The following TTLL7 variants were observed in gnomAD, a reference collection of about 807,000 sequenced individuals.
TTLL7 encodes tubulin tyrosine ligase like 7.
A neutral mutation model predicts 120.2 loss-of-function variants in TTLL7; 53 were observed. That is an observed-to-expected ratio of 0.44 (90% confidence interval 0.35 to 0.55). The LOEUF (loss-of-function observed/expected upper bound fraction) is 0.55, where lower values mean the gene tolerates loss of function less well. Ranked by LOEUF, TTLL7 falls within the 20% of genes least tolerant of loss-of-function variation. The pLI, the probability that TTLL7 is intolerant of heterozygous loss-of-function variation, is 0.00. For synonymous variants in TTLL7, 353 were observed against 351.7 expected (o/e 1.00, Z -0.04); for missense variants, 803 against 1,054.7 (o/e 0.76, Z 3.31).
chr1:83,875,347 C>T (rs1653833571), intron 20 of TTLL7, among the ~76,000 whole-genome samples: 1 of 151,954 alleles, frequency 6.6e-6, no homozygotes, highest in Non-Finnish European at 1.5e-5. Context: ...ACTAACCCAT[C>T]TTGCTATATG....
chr1:83,918,665 T>A (rs1330942444), intron 13 of TTLL7, among the ~76,000 whole-genome samples: 1 of 152,112 alleles, frequency 6.6e-6, no homozygotes, highest in Non-Finnish European at 1.5e-5. Context: ...AGGAGAAATA[T>A]AACAGATAAT....
At chr1:83,871,770 G>A (rs1192115347) in intron 20 of TTLL7, among the ~76,000 whole-genome samples, 1 of 151,866 alleles carries the variant, frequency 6.6e-6, no homozygotes, top group Non-Finnish European at 1.5e-5. Flanking sequence ...GGTGGCGAGT[G>A]CCTGTAGTCC....
intron 6 of TTLL7, among the ~76,000 whole-genome samples, chr1:83,943,502 A>G (rs1648179433): frequency 6.6e-6 from 1 of 152,208 alleles, no homozygotes; most frequent in Non-Finnish European, 1.5e-5. Flanking sequence ...ACAGCCATCT[A>G]CAAAAATTGG....
intron 1 of TTLL7, among the ~76,000 whole-genome samples, chr1:83,962,299 A>T (rs573041858): frequency 6.6e-6 from 1 of 152,234 alleles, no homozygotes; most frequent in East Asian, 1.9e-4. Flanking sequence ...ATAGCCAAAC[A>T]TCTAAGAGAT....
Position 83,904,084 on chromosome 1 carries a change from G to T in TTLL7, c.2203C>A (p.Arg735=), listed in dbSNP as rs1157999559. 1.2e-6 allele frequency: 2 copies of T among 1,610,656 alleles called. No individual in the cohort carries two copies. Among genetic ancestry groups the T allele is most frequent in the Non-Finnish European group, 8.5e-7 (1 of 1,178,152 alleles). The part of the protein sequence containing the change: ...WLIKLDSVKQ[R]KVLDIVKTSI... ...TTGTTTTGAGCATTACTCACTTTTC[G>T]TTGTTTTACAGAGTCCAATTTTATG... is the stretch of plus-strand genomic sequence containing the variant. The change falls in exon 18 of 21, where the codon CGA becomes AGA. Residue 735 remains arginine (R), a synonymous_variant. Coordinates refer to ENST00000260505, the MANE Select transcript of TTLL7 (RefSeq NM_024686.6).
chr1:83,883,526 G>T (rs1458456023), intron 19 of TTLL7, among the ~76,000 whole-genome samples: 1 of 151,888 alleles, frequency 6.6e-6, no homozygotes, highest in East Asian at 1.9e-4. Context: ...AAGTAGCTGG[G>T]ACTACAGGCA....
intron 1 of TTLL7, among the ~76,000 whole-genome samples, chr1:83,972,774 G>A (rs748258445): frequency 2.6e-5 from 4 of 152,168 alleles, no homozygotes; most frequent in South Asian, 2.1e-4. Flanking sequence ...ATTCCAAGAC[G>A]TACGTAGTGG....
rs1016550974 is a variant in TTLL7 at position 83,917,650 on chromosome 1, T to A, written c.1541A>T (p.Asp514Val). 23 of 1,613,420 alleles carry A rather than the reference T, an allele frequency of 1.4e-5. No homozygotes were observed. The highest frequency in any genetic ancestry group is 1.7e-5 in the Admixed American group (1 of 59,978). ...AGTTTTTCCCATCAACTTTTCATCA[T>A]CAATTTCACATTGCTCCAGAAGATC... ...ILDLLEQCEIDDEKLMGKTTK... is the reference protein window; with the variant it reads ...ILDLLEQCEIVDEKLMGKTTK... The change falls in exon 14 of 21, where the codon GAT becomes GTT. Residue 514 changes from aspartate (D) to valine (V), a missense_variant. Physicochemically the swap from Asp to Val is radical, Grantham distance 152. This residue lies in a region of TTLL7 where 324 missense variants were observed against 507.7 expected (regional missense o/e 0.64). Coordinates refer to ENST00000260505, the MANE Select transcript of TTLL7 (RefSeq NM_024686.6).
intron 1 of TTLL7, among the ~76,000 whole-genome samples, chr1:83,969,386 T>G (rs1322157423): frequency 6.6e-6 from 1 of 151,924 alleles, no homozygotes; most frequent in Non-Finnish European, 1.5e-5. Context: ...GATATCACTT[T>G]TGTATATATA....
intron 1 of TTLL7, among the ~76,000 whole-genome samples, chr1:83,984,823 C>G (rs1382133921): frequency 1.3e-5 from 2 of 152,102 alleles, no homozygotes; most frequent in Non-Finnish European, 1.5e-5. Flanking sequence ...TGATTGGGTA[C>G]TATGCTCACT....
At chr1:83,927,530 A>G (rs1409145867) in intron 10 of TTLL7, among the ~76,000 whole-genome samples, 1 of 152,170 alleles carries the variant, frequency 6.6e-6, no homozygotes, top group Non-Finnish European at 1.5e-5. Flanking sequence ...ATAATGAGGC[A>G]ATCAGCCTAA....
intron 14 of TTLL7, among the ~76,000 whole-genome samples, chr1:83,914,360 TC>T (rs1657932822): frequency 8.1e-6 from 1 of 123,484 alleles, no homozygotes; most frequent in Admixed American, 1.1e-4. Context: ...TGAGACAGAG[TC>T]TTGCTCTGTC....
chr1:83,923,769 A>C (rs779326486), intron 10 of TTLL7, among the ~76,000 whole-genome samples: 19 of 152,310 alleles, frequency 1.2e-4, no homozygotes, highest in South Asian at 1.0e-3. Context: ...CCAGAATAAA[A>C]ATTTAACCAA....
intron 1 of TTLL7, among the ~76,000 whole-genome samples, chr1:83,966,085 T>G (rs995929733): frequency 2.6e-5 from 4 of 152,168 alleles, no homozygotes; most frequent in African/African-American, 9.7e-5. Context: ...TTGAAGATAC[T>G]TTGTAGACGA....
At chr1:83,997,363 C>T (rs1485142890) in intron 1 of TTLL7, among the ~76,000 whole-genome samples, 1 of 152,144 alleles carries the variant, frequency 6.6e-6, no homozygotes, top group African/African-American at 2.4e-5. Flanking sequence ...TCAAAGGACC[C>T]ATCAACGGGC....
intron 18 of TTLL7, among the ~76,000 whole-genome samples, chr1:83,892,914 A>AG (rs139078576): frequency 8.7e-6 from 1 of 114,326 alleles, no homozygotes; most frequent in East Asian, 2.3e-4. Context: ...GGAAAAAGAA[A>AG]AAAGAAAGAA....
rs1658603253 is a variant in TTLL7 at position 83,921,031 on chromosome 1, A to G, written c.1364+56T>C. ...AGCACACAAGATTAAAACATGAAGA[A>G]TCATTGCTTTGATACTTCATTTTTT... is the stretch of plus-strand genomic sequence containing the variant. On this transcript the variant is annotated intron_variant, in intron 12 of 20. Transcript: ENST00000260505. 6.6e-6 allele frequency: 10 copies of G among 1,516,440 alleles called. No homozygotes were observed. In the East Asian group the frequency reaches 2.0e-4, roughly 31 times the overall value. The allele number at this position is 1,516,440 out of a possible 1,614,324, so 93.9% of individuals were successfully genotyped here. A position where few individuals can be genotyped will look rare whatever the true frequency, so the allele number is the denominator to read the frequency against.
chr1:83,898,831 T>A lies in TTLL7; in HGVS notation c.2208+5248A>T, dbSNP rs571991976. Among the ~76,000 whole-genome samples, 7 of 151,988 alleles carry A rather than the reference T, an allele frequency of 4.6e-5. No homozygotes were observed. In the South Asian group the frequency reaches 1.5e-3, roughly 31 times the overall value. On this transcript the variant is annotated intron_variant, in intron 18 of 20. Coordinates refer to ENST00000260505, the MANE Select transcript of TTLL7 (RefSeq NM_024686.6). The stretch of plus-strand genomic sequence containing the variant: ...TCTATATTTTTCTCTTATTCCTGTC[T>A]GGGGTAAATTTTAAGTATTTCACAT...
chr1:83,966,584 T>C (rs1650867438), intron 1 of TTLL7, among the ~76,000 whole-genome samples: 1 of 152,010 alleles, frequency 6.6e-6, no homozygotes, highest in Non-Finnish European at 1.5e-5. Context: ...TGCCAGATCA[T>C]TATGAAAAGA....
Sources: gnomAD v4.1 joint callset for allele counts (sites outside exome capture counted in the v4.1 genomes callset) on GRCh38, gnomAD v4.1.1 for gene constraint, gnomAD v4.1.1 regional missense constraint, MANE v1.5 for transcripts, NCBI Gene and HGNC (gene_info 2026-07-23, HGNC 2026-07-21) for gene names.